FOXP1: variants seen among roughly 807,000 people sequenced by gnomAD.
The protein encoded by FOXP1 is forkhead box P1, also known as forkhead box protein P1.
In FOXP1, 15 loss-of-function variants were observed where a neutral mutation model predicts 98.2. The observed-to-expected ratio is 0.15, with a 90% CI of 0.10 to 0.24. FOXP1 has a LOEUF of 0.24. FOXP1 is among the 10% of genes least tolerant of loss of function. The pLI is 1.00. For synonymous variants in FOXP1, 371 were observed against 314.5 expected (o/e 1.18, Z -1.90); for missense variants, 633 against 848.5 (o/e 0.75, Z 3.15).
rs562739734 is a variant in FOXP1, at chr3:71,493,688, T to C, written c.-297-133A>G. ...CACCGTTCAAGCCAGGGTATGTCAA[T>C]ACATCAAGTGTGATGCTGTTAAATA... On this transcript the variant is annotated intron_variant, in intron 2 of 20. Transcript: ENST00000649528. 11 of 152,356 alleles carry C rather than the reference T, an allele frequency of 7.2e-5. No individual in the cohort carries two copies. In the South Asian group the frequency reaches 1.0e-3, roughly 14 times the overall value. The allele number at this position is 152,356 out of a possible 1,614,324, so 9.4% of individuals were successfully genotyped here.
intron 6 of FOXP1, among the ~76,000 whole-genome samples, chr3:71,147,221 T>A (rs1357738327): frequency 6.6e-6 from 1 of 152,216 alleles, no homozygotes; most frequent in African/African-American, 2.4e-5. Context: ...CTTCCCTGCA[T>A]AGCAGCCAGA....
At chr3:71,319,404 C>T (rs1327208309) in intron 4 of FOXP1, among the ~76,000 whole-genome samples, 1 of 152,094 alleles carries the variant, frequency 6.6e-6, no homozygotes, top group African/African-American at 2.4e-5. Flanking sequence ...CTCTAAGTTG[C>T]TACTAACTAC....
chr3:71,509,554 G>C (rs377048373), intron 2 of FOXP1, among the ~76,000 whole-genome samples: 3 of 152,106 alleles, frequency 2.0e-5, no homozygotes, highest in African/African-American at 7.2e-5. Flanking sequence ...TATACATCAT[G>C]GGGGGAGGAC....
chr3:71,015,137 T>C (rs62257225), intron 12 of FOXP1, among the ~76,000 whole-genome samples: 2 of 150,192 alleles, frequency 1.3e-5, no homozygotes, highest in East Asian at 3.9e-4. Context: ...TAAAGTATAA[T>C]TTAAAAAAAA....
intron 3 of FOXP1, among the ~76,000 whole-genome samples, chr3:71,429,130 T>C (rs746092439): frequency 1.5e-4 from 23 of 152,126 alleles, no homozygotes; most frequent in Non-Finnish European, 3.2e-4. Flanking sequence ...TCCGGCTTCA[T>C]GCAGGCTGCC....
chr3:71,146,895 G>A (rs758854760), intron 6 of FOXP1, among the ~76,000 whole-genome samples: 5 of 152,304 alleles, frequency 3.3e-5, no homozygotes, highest in East Asian at 1.9e-4. Flanking sequence ...AGCACAGCGC[G>A]GGGAACAATG....
chr3:70,978,869 C>T (rs2038168058), intron 14 of FOXP1, among the ~76,000 whole-genome samples: 1 of 152,082 alleles, frequency 6.6e-6, no homozygotes, highest in African/African-American at 2.4e-5. Context: ...GGGAGATCTG[C>T]AACTGAGGTT....
intron 4 of FOXP1, among the ~76,000 whole-genome samples, chr3:71,358,850 A>C (rs1232406030): frequency 6.6e-6 from 1 of 152,194 alleles, no homozygotes; most frequent in Non-Finnish European, 1.5e-5. Flanking sequence ...GTTGCAAAAA[A>C]GACTGTATGG....
chr3:71,525,888 G>A (rs2043339560), intron 2 of FOXP1, among the ~76,000 whole-genome samples: 1 of 152,058 alleles, frequency 6.6e-6, no homozygotes, highest in African/African-American at 2.4e-5. Context: ...GGCTGAGACA[G>A]GCAGATCACT....
rs565077324 is a variant in FOXP1 at position 71,503,627 on chromosome 3, C to T, written c.-297-10072G>A. ...AAAAAAAAAAAAAAAAAAAACACCACGAATTAAGGTTGTAGCACCACACTA... is the reference window on the plus strand; with the variant it reads ...AAAAAAAAAAAAAAAAAAAACACCATGAATTAAGGTTGTAGCACCACACTA... On this transcript the variant is annotated intron_variant, in intron 2 of 20. Coordinates refer to ENST00000649528, the MANE Select transcript of FOXP1 (RefSeq NM_001349338.3). 1.3e-4 allele frequency among the ~76,000 whole-genome samples: 19 copies of T among 145,984 alleles called. No homozygotes were observed. The South Asian group carries it at 3.7e-3, about 28-fold the overall frequency.
chr3:71,279,967 TA>T (rs1194024776), intron 5 of FOXP1, among the ~76,000 whole-genome samples: 1 of 151,358 alleles, frequency 6.6e-6, no homozygotes, highest in Non-Finnish European at 1.5e-5. Context: ...ACTAAAAATA[TA>T]AAAAATTAGC....
intron 6 of FOXP1, among the ~76,000 whole-genome samples, chr3:71,162,701 G>C (rs1274727660): frequency 6.6e-6 from 1 of 152,140 alleles, no homozygotes; most frequent in African/African-American, 2.4e-5. Context: ...ATTGTTACTT[G>C]CCAACATGTG....
intron 2 of FOXP1, among the ~76,000 whole-genome samples, chr3:71,523,528 T>C (rs995682193): frequency 1.3e-5 from 2 of 152,196 alleles, no homozygotes; most frequent in Non-Finnish European, 2.9e-5. Context: ...TTTTGAATAA[T>C]ACATTCAAAA....
intron 7 of FOXP1, among the ~76,000 whole-genome samples, chr3:71,072,181 G>C (rs2053325981): frequency 6.6e-6 from 1 of 152,086 alleles, no homozygotes; most frequent in African/African-American, 2.4e-5. Context: ...AATTAGCCAG[G>C]CATGGCATGC....
intron 3 of FOXP1, among the ~76,000 whole-genome samples, chr3:71,475,144 CT>C (rs1183576659): frequency 2.6e-5 from 4 of 152,092 alleles, no homozygotes; most frequent in African/African-American, 4.8e-5. Flanking sequence ...ACCTTCCCCC[CT>C]GCTTCTATTT....
At chr3:71,209,264 A>G (rs1353454160) in intron 5 of FOXP1, among the ~76,000 whole-genome samples, 2 of 152,262 alleles carry the variant, frequency 1.3e-5, no homozygotes, top group Non-Finnish European at 2.9e-5. Context: ...AAACAGCTTT[A>G]AAACACTATA....
intron 2 of FOXP1, among the ~76,000 whole-genome samples, chr3:71,531,616 T>A (rs1331621673): frequency 6.6e-6 from 1 of 152,112 alleles, no homozygotes; most frequent in Admixed American, 6.5e-5. Flanking sequence ...CATGACCATC[T>A]TTTTTTTGTT....
chr3:71,390,822 T>G (rs1280989027), intron 3 of FOXP1, among the ~76,000 whole-genome samples: 7 of 152,206 alleles, frequency 4.6e-5, no homozygotes. Context: ...CAAATTCTTG[T>G]GCAGTGCCGT....
chr3:71,452,733 A>G (rs2087076067), intron 3 of FOXP1, among the ~76,000 whole-genome samples: 1 of 152,180 alleles, frequency 6.6e-6, no homozygotes, highest in African/African-American at 2.4e-5. Context: ...TTATTGTTTG[A>G]TAGCTTTTCA....
Sources: gnomAD v4.1 joint callset for allele counts (sites outside exome capture counted in the v4.1 genomes callset) on GRCh38, gnomAD v4.1.1 for gene constraint, MANE v1.5 for transcripts, NCBI Gene and HGNC (gene_info 2026-07-23, HGNC 2026-07-21) for gene names.